The following SUGCT variants were observed in gnomAD, a reference collection of about 807,000 sequenced individuals.
SUGCT encodes succinyl-CoA:glutarate-CoA transferase.
Under a neutral mutation model 55.0 loss-of-function variants are expected in SUGCT, and 41 were observed. The ratio of observed to expected loss-of-function variants is 0.74; its 90% CI spans 0.58 to 0.97. SUGCT has a LOEUF of 0.97. Ranked by LOEUF, SUGCT falls within the 50% of genes least tolerant of loss-of-function variation. The probability of loss-of-function intolerance (pLI) is 0.00; values close to 1 mark genes in which losing one functional copy is unlikely to be tolerated. For missense variants in SUGCT, 568 were observed against 547.8 expected (o/e 1.04, Z -0.37); for synonymous variants, 187 against 200.4 (o/e 0.93, Z 0.56).
At position 40,724,512 on chromosome 7, in the gene SUGCT, A is replaced by T. The variant is rs1786513993; in HGVS notation, c.1090-24922A>T. Among the ~76,000 whole-genome samples the T allele has an allele frequency of 2.6e-5, 4 of 151,974 alleles. No individual in the cohort carries two copies. In the South Asian group the frequency reaches 8.3e-4, roughly 32 times the overall value. On this transcript the variant is annotated intron_variant, in intron 12 of 13. Coordinates refer to ENST00000335693, the MANE Select transcript of SUGCT (RefSeq NM_001193313.2). ...TGGGAGGCGGAGCTTGCAGTGAGCC[A>T]AGATTGCATCACTGCACTCCAGCCT...
At chr7:40,399,033 G>A (rs753478697) in intron 9 of SUGCT, among the ~76,000 whole-genome samples, 108 of 152,298 alleles carry the variant, frequency 7.1e-4, no homozygotes, top group Middle Eastern at 3.4e-3. Context: ...CCACTGCAAT[G>A]TGGAAAGTGA....
At chr7:40,832,760 C>T (rs535603360) in intron 13 of SUGCT, among the ~76,000 whole-genome samples, 84 of 151,620 alleles carry the variant, frequency 5.5e-4, no homozygotes, top group African/African-American at 1.9e-3. Flanking sequence ...CTGCAAGCTC[C>T]GCCTCCCAGG....
intron 8 of SUGCT, among the ~76,000 whole-genome samples, chr7:40,293,172 G>A (rs1793895423): frequency 6.6e-6 from 1 of 152,000 alleles, no homozygotes; most frequent in African/African-American, 2.4e-5. Context: ...AGATTTTTAT[G>A]GCAGCTTGTT....
chr7:40,971,778 A>T, the SUGCT span, among the ~76,000 whole-genome samples: 1 of 152,200 alleles, frequency 6.6e-6, no homozygotes, highest in Non-Finnish European at 1.5e-5. Flanking sequence ...CCACAGGCAG[A>T]GCTGTGTCCC....
At chr7:40,948,436 GA>G in the SUGCT span, among the ~76,000 whole-genome samples, 2,470 of 11,696 alleles carry the variant, frequency 0.21, 73 homozygotes, top group African/African-American at 0.39. Flanking sequence ...TGAAAAACAT[GA>G]TGATGATGAT....
intron 9 of SUGCT, among the ~76,000 whole-genome samples, chr7:40,329,267 G>C (rs1796179206): frequency 6.6e-6 from 1 of 152,200 alleles, no homozygotes; most frequent in Admixed American, 6.5e-5. Context: ...TAGAAAGCCT[G>C]TAAGATGTTA....
At chr7:40,208,433 T>C (rs1787126734) in intron 6 of SUGCT, among the ~76,000 whole-genome samples, 1 of 152,218 alleles carries the variant, frequency 6.6e-6, no homozygotes, top group South Asian at 2.1e-4. Flanking sequence ...GAAATTCAGA[T>C]TACTATGTCA....
the SUGCT span, among the ~76,000 whole-genome samples, chr7:40,878,270 T>C: frequency 7.2e-5 from 11 of 152,362 alleles, no homozygotes; most frequent in African/African-American, 2.4e-4. Context: ...AAAAATATTA[T>C]CTTCTGTTTC....
chr7:40,954,157 G>T, the SUGCT span, among the ~76,000 whole-genome samples: 1 of 152,206 alleles, frequency 6.6e-6, no homozygotes, highest in East Asian at 1.9e-4. Context: ...AATGGCGGGT[G>T]CCCCTCCCCC....
chr7:40,865,417 A>G (rs931521539), downstream of SUGCT, among the ~76,000 whole-genome samples: 4 of 152,122 alleles, frequency 2.6e-5, no homozygotes, highest in African/African-American at 9.7e-5. Flanking sequence ...TGTCCCTTGA[A>G]ACACAGGGAA....
rs191043240 is a variant in SUGCT at position 40,546,020 on chromosome 7, A to G, written c.1089+49634A>G. 4.6e-5 allele frequency among the ~76,000 whole-genome samples: 7 copies of G among 152,352 alleles called. No homozygotes were observed. In the East Asian group the frequency reaches 1.2e-3, roughly 25 times the overall value. On this transcript the variant is annotated intron_variant, in intron 12 of 13. Transcript: ENST00000335693. ...TCATATGGATCACATGAAGTTCAAC[A>G]TCCAGGAAGTTAATCTTCAAGCCCA...
chr7:41,018,589 T>C, the SUGCT span, among the ~76,000 whole-genome samples: 1 of 152,204 alleles, frequency 6.6e-6, no homozygotes, highest in Admixed American at 6.5e-5. Flanking sequence ...TGTTTGTCTT[T>C]CAGAGATTGA....
chr7:40,609,954 A>G (rs1299494081), intron 12 of SUGCT, among the ~76,000 whole-genome samples: 1 of 152,232 alleles, frequency 6.6e-6, no homozygotes, highest in Non-Finnish European at 1.5e-5. Flanking sequence ...CACAAAGCTC[A>G]ATTCAGTTAG....
chr7:40,604,823 A>G (rs1326215086), intron 12 of SUGCT, among the ~76,000 whole-genome samples: 2 of 152,160 alleles, frequency 1.3e-5, no homozygotes, highest in Non-Finnish European at 2.9e-5. Flanking sequence ...TTGCTCCCAA[A>G]CGGGTTTGCC....
intron 9 of SUGCT, among the ~76,000 whole-genome samples, chr7:40,417,130 T>G (rs1583633924): frequency 1.3e-5 from 2 of 152,032 alleles, no homozygotes; most frequent in African/African-American, 2.4e-5. Context: ...TATTTCTCTT[T>G]TCTCCTTATC....
chr7:40,392,461 G>A (rs1029094793), intron 9 of SUGCT, among the ~76,000 whole-genome samples: 2 of 151,972 alleles, frequency 1.3e-5, no homozygotes, highest in Non-Finnish European at 2.9e-5. Flanking sequence ...GGTAATGGGT[G>A]GGGGGAAGAA....
the SUGCT span, among the ~76,000 whole-genome samples, chr7:40,970,258 G>A: frequency 6.6e-6 from 1 of 151,994 alleles, no homozygotes; most frequent in Non-Finnish European, 1.5e-5. Context: ...TGCAATCTCT[G>A]CCTCCTGGGT....
At chr7:41,016,358 G>A in the SUGCT span, among the ~76,000 whole-genome samples, 48 of 152,220 alleles carry the variant, frequency 3.2e-4, no homozygotes, top group African/African-American at 1.2e-3. Flanking sequence ...GTATTATTTT[G>A]TATTGAAAAA....
At chr7:40,804,258 A>G (rs910260019) in intron 13 of SUGCT, among the ~76,000 whole-genome samples, 3 of 152,178 alleles carry the variant, frequency 2.0e-5, no homozygotes, top group Admixed American at 1.3e-4. Context: ...ATTTAAATCA[A>G]TGCTTACTTG....
Sources: allele counts gnomAD v4.1 joint callset (sites outside exome capture counted in the v4.1 genomes callset), GRCh38; gene constraint gnomAD v4.1.1; transcripts MANE v1.5; gene names NCBI Gene and HGNC (gene_info 2026-07-23, HGNC 2026-07-21).